Variants in ST8SIA4 observed in about 807,000 individuals in gnomAD.
ST8SIA4 encodes the protein CMP-N-acetylneuraminate-poly-alpha-2,8-sialyltransferase.
ST8SIA4 carries 15 observed loss-of-function variants against 33.9 expected under a neutral mutation model. The ratio of observed to expected loss-of-function variants is 0.44; its 90% CI spans 0.30 to 0.68. The LOEUF (loss-of-function observed/expected upper bound fraction) is 0.68. ST8SIA4 is among the 30% of genes least tolerant of loss of function. The pLI is 0.10. For synonymous variants in ST8SIA4, 171 were observed against 151.2 expected (o/e 1.13, Z -0.96); for missense variants, 321 against 428.0 (o/e 0.75, Z 2.21).
At chr5:100,895,555 T>C in intron 2 of ST8SIA4, 99 bp downstream of exon 2, 4 of 1,186,730 alleles carry the variant, frequency 3.4e-6, no homozygotes, top group Non-Finnish European at 3.6e-6. Flanking sequence ...TAAGTATTCA[T>C]ACTTAAACCA....
At chr5:100,878,982 G>A (rs953469386) in intron 3 of ST8SIA4, among the ~76,000 whole-genome samples, 4 of 152,000 alleles carry the variant, frequency 2.6e-5, no homozygotes, top group African/African-American at 4.8e-5. Flanking sequence ...CTATAATCCC[G>A]TACCGCATGA....
chr5:100,819,712 G>A (rs894179071), intron 4 of ST8SIA4, among the ~76,000 whole-genome samples: 5 of 152,080 alleles, frequency 3.3e-5, no homozygotes, highest in African/African-American at 1.2e-4. Flanking sequence ...GGTATTAGTT[G>A]TTTATTCCAT....
At chr5:100,859,987 T>C (rs1671985276) in intron 3 of ST8SIA4, among the ~76,000 whole-genome samples, 1 of 152,170 alleles carries the variant, frequency 6.6e-6, no homozygotes, top group Non-Finnish European at 1.5e-5. Flanking sequence ...ACATAATCTA[T>C]CCAATTTTTT....
intron 4 of ST8SIA4, chr5:100,849,402 G>C (rs145027219): frequency 1.0e-6 from 1 of 985,200 alleles, no homozygotes; most frequent in Non-Finnish European, 1.2e-6. Flanking sequence ...CTACGTCAGT[G>C]TTCTTAGTTA....
intron 1 of ST8SIA4, among the ~76,000 whole-genome samples, chr5:100,896,250 T>C (rs2112483529): frequency 6.6e-6 from 1 of 152,220 alleles, no homozygotes; most frequent in East Asian, 1.9e-4. Flanking sequence ...TATATACCAA[T>C]GGAGTACTAT....
chr5:100,844,218 G>A (rs1751523368), intron 4 of ST8SIA4, among the ~76,000 whole-genome samples: 1 of 151,920 alleles, frequency 6.6e-6, no homozygotes, highest in African/African-American at 2.4e-5. Context: ...GGATGAAACA[G>A]TTGTGTAAGA....
chr5:100,855,371 A>G (rs1185321388), intron 4 of ST8SIA4, among the ~76,000 whole-genome samples: 1 of 152,178 alleles, frequency 6.6e-6, no homozygotes, highest in Admixed American at 6.5e-5. Context: ...CATAAAGCCT[A>G]TGCATTTTTT....
At chr5:100,900,242 G>A (rs1167229023) in intron 1 of ST8SIA4, 1 of 355,630 alleles carries the variant, frequency 2.8e-6, no homozygotes, top group Non-Finnish European at 5.6e-6. Flanking sequence ...ACTATGGAAG[G>A]CCCTTCTTTG....
At chr5:100,859,540 C>T (rs1751889363) in intron 3 of ST8SIA4, among the ~76,000 whole-genome samples, 1 of 152,026 alleles carries the variant, frequency 6.6e-6, no homozygotes, top group African/African-American at 2.4e-5. Flanking sequence ...CTTCCCAGTT[C>T]TCAATTTATT....
intron 3 of ST8SIA4, among the ~76,000 whole-genome samples, chr5:100,877,778 T>C (rs1424111339): frequency 6.6e-6 from 1 of 152,154 alleles, no homozygotes; most frequent in Non-Finnish European, 1.5e-5. Flanking sequence ...TTATCAAAAT[T>C]GTCTTTGATT....
chr5:100,848,292 A>G (rs1751610273), intron 4 of ST8SIA4, among the ~76,000 whole-genome samples: 1 of 151,516 alleles, frequency 6.6e-6, no homozygotes, highest in Admixed American at 6.6e-5. Flanking sequence ...TATGTTTGAC[A>G]TACAAAACGT....
In ST8SIA4 at chr5:100,810,556, G is replaced by T. The variant is rs1050911418; in HGVS notation, c.*1291C>A. The T allele has an allele frequency of 2.6e-5, 4 of 151,832 alleles. No individual in the cohort carries two copies. Among genetic ancestry groups the T allele is most frequent in the African/African-American group, 4.8e-5 (2 of 41,298 alleles). The allele number at this position is 151,832 out of a possible 1,614,324, so 9.4% of individuals were successfully genotyped here. A position where few individuals can be genotyped will look rare whatever the true frequency, so the allele number is the denominator to read the frequency against. ...CACAAAATTATTATGTAATGCAAAA[G>T]GTGTGAAAAACATTTCAAATGAAAA... is the stretch of plus-strand genomic sequence containing the variant. On this transcript the variant is annotated 3_prime_UTR_variant, in exon 5 of 5. Coordinates refer to ENST00000231461, the MANE Select transcript of ST8SIA4 (RefSeq NM_005668.6).
rs746175902 is a variant in ST8SIA4, at chr5:100,808,583, G to A, written c.*3264C>T. 6.6e-6 allele frequency: 1 copy of A among 152,560 alleles called. No individual in the cohort carries two copies. The highest frequency in any genetic ancestry group is 1.5e-5 in the Non-Finnish European group (1 of 68,036). The allele number at this position is 152,560 out of a possible 1,614,324, so 9.5% of individuals were successfully genotyped here. A position where few individuals can be genotyped will look rare whatever the true frequency, so the allele number is the denominator to read the frequency against. ...CAATCAGCTGCCTGAGCATTGCCAAGTACAGGGTTAAATAGTAAAAAATAA... is the reference window on the plus strand; with the variant it reads ...CAATCAGCTGCCTGAGCATTGCCAAATACAGGGTTAAATAGTAAAAAATAA... On this transcript the variant is annotated 3_prime_UTR_variant, in exon 5 of 5. Coordinates refer to ENST00000231461, the MANE Select transcript of ST8SIA4 (RefSeq NM_005668.6).
chr5:100,813,728 G>A (rs1395730834), intron 4 of ST8SIA4, among the ~76,000 whole-genome samples: 1 of 151,896 alleles, frequency 6.6e-6, no homozygotes, highest in Non-Finnish European at 1.5e-5. Context: ...ATGAAATAAT[G>A]ATTATAAGAA....
At chr5:100,837,756 C>T (rs1376165970) in intron 4 of ST8SIA4, among the ~76,000 whole-genome samples, 1 of 151,872 alleles carries the variant, frequency 6.6e-6, no homozygotes, top group African/African-American at 2.4e-5. Context: ...GCACACACTG[C>T]CTGAAAGGAA....
rs541411664 is a variant in ST8SIA4 at position 100,807,289 on chromosome 5, G to A, written c.*4558C>T. The A allele has an allele frequency of 6.6e-6, 1 of 152,622 alleles. No individual in the cohort carries two copies. Among genetic ancestry groups the A allele is most frequent in the South Asian group, 2.1e-4 (1 of 4,820 alleles). 9.5% of individuals were successfully genotyped at this position (152,622 alleles called of 1,614,324 possible). A position where few individuals can be genotyped will look rare whatever the true frequency, so the allele number is the denominator to read the frequency against. On this transcript the variant is annotated 3_prime_UTR_variant, in exon 5 of 5. Transcript: ENST00000231461. ...GCTATACACAAACAATAAGAAAACA[G>A]TGTTGAACAGAATGAACTTGAACTT...
chr5:100,901,430 A>G (rs1042126193), intron 1 of ST8SIA4, among the ~76,000 whole-genome samples: 3 of 152,044 alleles, frequency 2.0e-5, no homozygotes, highest in Admixed American at 6.5e-5. Context: ...GCGCCCATTC[A>G]TCACCTTTCT....
chr5:100,855,468 T>C (rs1751794277), intron 4 of ST8SIA4, among the ~76,000 whole-genome samples: 1 of 152,232 alleles, frequency 6.6e-6, no homozygotes, highest in African/African-American at 2.4e-5. Flanking sequence ...TTCTCATCTG[T>C]GGTTTATCTA....
At chr5:100,827,004 T>C (rs1751162965) in intron 4 of ST8SIA4, among the ~76,000 whole-genome samples, 2 of 151,066 alleles carry the variant, frequency 1.3e-5, no homozygotes, top group South Asian at 4.2e-4. Context: ...GGAAGGAAAT[T>C]TCCTCCCCAA....
Sources: gnomAD v4.1 joint callset for allele counts (sites outside exome capture counted in the v4.1 genomes callset) on GRCh38, gnomAD v4.1.1 for gene constraint, MANE v1.5 for transcripts, NCBI Gene and HGNC (gene_info 2026-07-23, HGNC 2026-07-21) for gene names.